EXPH5: variants seen among roughly 807,000 people sequenced by gnomAD.
EXPH5 encodes exophilin 5.
EXPH5 carries 42 observed loss-of-function variants against 41.1 expected under a neutral mutation model. The observed-to-expected ratio is 1.02, with a 90% CI of 0.80 to 1.32. The LOEUF (loss-of-function observed/expected upper bound fraction) is 1.32, where lower values mean the gene tolerates loss of function less well. EXPH5 is among the 40% of genes most tolerant of loss of function. The probability of loss-of-function intolerance (pLI) is 0.00; values close to 1 mark genes in which losing one functional copy is unlikely to be tolerated. For missense variants in EXPH5, 2,298 were observed against 2,314.5 expected (o/e 0.99, Z 0.15); for synonymous variants, 798 against 833.5 (o/e 0.96, Z 0.73).
At chr11:108,605,411 G>A in the EXPH5 span, among the ~76,000 whole-genome samples, 1 of 152,184 alleles carries the variant, frequency 6.6e-6, no homozygotes, top group African/African-American at 2.4e-5. Context: ...TAGAACAGTT[G>A]TTCTCAACTG....
At chr11:108,570,263 T>C (rs1307899196) in intron 1 of EXPH5, among the ~76,000 whole-genome samples, 1 of 151,008 alleles carries the variant, frequency 6.6e-6, no homozygotes, top group Non-Finnish European at 1.5e-5. Flanking sequence ...AAATTATTTT[T>C]TATTTTTTTG....
At chr11:108,548,641 C>T (rs1027462691) in intron 1 of EXPH5, among the ~76,000 whole-genome samples, 8 of 151,986 alleles carry the variant, frequency 5.3e-5, no homozygotes, top group African/African-American at 1.9e-4. Context: ...TAAGGGTGAC[C>T]CAGGAAGGGA....
chr11:108,594,680 G>A (rs534738749), upstream of EXPH5, among the ~76,000 whole-genome samples: 2 of 152,146 alleles, frequency 1.3e-5, no homozygotes, highest in East Asian at 3.9e-4. Flanking sequence ...TGACTTTCCT[G>A]CCCCATAGCC....
In EXPH5 at chr11:108,509,147, A is replaced by C. The variant is rs17618877; in HGVS notation, c.*390T>G. 14,423 of 163,102 alleles carry C rather than the reference A, an allele frequency of 0.088. 823 individuals are homozygous for C. The highest frequency in any genetic ancestry group is 0.13 in the Middle Eastern group (41 of 310). The allele number at this position is 163,102 out of a possible 1,614,324, so 10.1% of individuals were successfully genotyped here. ...CGGAAGAAGCAATACAGAGTTTCAC[A>C]GTTGTGCTGGGTAATTCATAAGTTT... On this transcript the variant is annotated 3_prime_UTR_variant, in exon 6 of 6. Transcript: ENST00000265843.
chr11:108,593,128 A>T (rs2094131870), intron 1 of EXPH5, among the ~76,000 whole-genome samples: 1 of 152,200 alleles, frequency 6.6e-6, no homozygotes, highest in African/African-American at 2.4e-5. Context: ...GGCACAGCAC[A>T]GCGTCACTGC....
At chr11:108,584,585 T>C (rs1255471455) in intron 1 of EXPH5, among the ~76,000 whole-genome samples, 2 of 151,870 alleles carry the variant, frequency 1.3e-5, no homozygotes, top group Non-Finnish European at 2.9e-5. Flanking sequence ...TAGAGGTCTA[T>C]GGAAAAGAGC....
At chr11:108,569,201 G>A (rs781588170) in intron 1 of EXPH5, among the ~76,000 whole-genome samples, 97 of 152,026 alleles carry the variant, frequency 6.4e-4, no homozygotes, top group Admixed American at 1.1e-3. Flanking sequence ...CCTCCTTCAA[G>A]ACTCAGTTCA....
At chr11:108,606,127 C>A in the EXPH5 span, among the ~76,000 whole-genome samples, 3 of 152,158 alleles carry the variant, frequency 2.0e-5, no homozygotes, top group Non-Finnish European at 4.4e-5. Context: ...CTCCTGGTTT[C>A]AAGCGATCCT....
intron 4 of EXPH5, among the ~76,000 whole-genome samples, chr11:108,520,522 T>C (rs1205013088): frequency 6.6e-6 from 1 of 152,138 alleles, no homozygotes; most frequent in African/African-American, 2.4e-5. Flanking sequence ...AGGAGAATGA[T>C]ATAGAACTAA....
intron 1 of EXPH5, among the ~76,000 whole-genome samples, chr11:108,567,397 C>T (rs1344957502): frequency 6.6e-6 from 1 of 152,214 alleles, no homozygotes; most frequent in Non-Finnish European, 1.5e-5. Flanking sequence ...TCCCACTTAT[C>T]CACCTGCCAC....
intron 1 of EXPH5, among the ~76,000 whole-genome samples, chr11:108,570,455 A>G (rs1364239884): frequency 2.0e-5 from 3 of 151,908 alleles, no homozygotes; most frequent in African/African-American, 7.3e-5. Flanking sequence ...GGGTTTCATT[A>G]TGTTGGCCAG....
intron 1 of EXPH5, among the ~76,000 whole-genome samples, chr11:108,573,964 C>A (rs967837097): frequency 3.3e-5 from 5 of 151,994 alleles, no homozygotes; most frequent in African/African-American, 1.2e-4. Flanking sequence ...TGTAGTGGCA[C>A]GATCTCGGCT....
chr11:108,551,488 TTC>T (rs2093964750), intron 1 of EXPH5, among the ~76,000 whole-genome samples: 1 of 152,176 alleles, frequency 6.6e-6, no homozygotes, highest in Non-Finnish European at 1.5e-5. Context: ...CTTTTTGATG[TTC>T]TCACTTCTCT....
intron 4 of EXPH5, among the ~76,000 whole-genome samples, chr11:108,522,274 T>C (rs532516264): frequency 5.9e-5 from 9 of 152,168 alleles, no homozygotes; most frequent in Non-Finnish European, 1.3e-4. Flanking sequence ...CCCTATAGAC[T>C]TCTAATTTTT....
At chr11:108,532,366 ATTTTTTTTTTT>A (rs1168217383) in intron 3 of EXPH5, among the ~76,000 whole-genome samples, 50 of 32,096 alleles carry the variant, frequency 1.6e-3, no homozygotes, top group African/African-American at 9.6e-3. Context: ...ATATATATAT[ATTTTTTTTTTT>A]TTTTTTTTTT....
chr11:108,571,967 G>A (rs186323915), intron 1 of EXPH5, among the ~76,000 whole-genome samples: 20 of 151,792 alleles, frequency 1.3e-4, no homozygotes, highest in African/African-American at 2.9e-4. Context: ...GAAAAAAGGC[G>A]TGAACCCGGG....
At chr11:108,573,373 C>T (rs2094069491) in intron 1 of EXPH5, among the ~76,000 whole-genome samples, 1 of 152,124 alleles carries the variant, frequency 6.6e-6, no homozygotes, top group African/African-American at 2.4e-5. Context: ...GAATGGTCTA[C>T]CCTTGGTTGG....
At chr11:108,534,109 G>A (rs1366808853) in intron 3 of EXPH5, among the ~76,000 whole-genome samples, 2 of 152,130 alleles carry the variant, frequency 1.3e-5, no homozygotes, top group African/African-American at 4.8e-5. Context: ...GTTTTCAAAT[G>A]TTGCCAAATG....
chr11:108,520,592 G>A (rs1053460015), intron 4 of EXPH5, among the ~76,000 whole-genome samples: 51 of 145,102 alleles, frequency 3.5e-4, no homozygotes, highest in African/African-American at 1.2e-3. Context: ...ATTTTGAGGC[G>A]GAGTCTCCCT....
Sources: gnomAD v4.1 joint callset for allele counts (sites outside exome capture counted in the v4.1 genomes callset) on GRCh38, gnomAD v4.1.1 for gene constraint, MANE v1.5 for transcripts, NCBI Gene and HGNC (gene_info 2026-07-23, HGNC 2026-07-21) for gene names.